CAPG: variants seen among roughly 807,000 people sequenced by gnomAD.
CAPG encodes the protein capping actin protein, gelsolin like, also known as macrophage-capping protein.
Under a neutral mutation model 44.6 loss-of-function variants are expected in CAPG, and 32 were observed. The observed-to-expected ratio is 0.72, with a 90% CI of 0.54 to 0.96. CAPG has a LOEUF of 0.96. CAPG is among the 50% of genes least tolerant of loss of function. The pLI, the probability that CAPG is intolerant of heterozygous loss-of-function variation, is 0.00. For missense variants in CAPG, 412 were observed against 438.3 expected (o/e 0.94, Z 0.54); for synonymous variants, 175 against 179.6 (o/e 0.97, Z 0.20).
intron 1 of CAPG, chr2:85,408,915 T>C (rs1353434168): frequency 2.0e-5 from 3 of 152,216 alleles, no homozygotes; most frequent in African/African-American, 2.4e-5. Context: ...CATACACGCA[T>C]AGTGCAGAAA....
Position 85,395,484 on chromosome 2 carries a change from G to A in CAPG, c.981+54C>T. On this transcript the variant is annotated intron_variant, in intron 9 of 9. Transcript: ENST00000263867. The surrounding 1 kb of genome is among the most constrained non-coding windows in gnomAD (Gnocchi z 4.3). The stretch of plus-strand genomic sequence containing the variant: ...CCTTCCTGGCCAATTTGAGGGGTCA[G>A]GGGCCACAGGAAGAGCCCTAGGAAG... The A allele has an allele frequency of 6.8e-7, 1 of 1,471,340 alleles. No homozygotes were observed. Among genetic ancestry groups the A allele is most frequent in the Non-Finnish European group, 9.4e-7 (1 of 1,059,182 alleles). 91.1% of individuals were successfully genotyped at this position (1,471,340 alleles called of 1,614,324 possible).
upstream of CAPG, among the ~76,000 whole-genome samples, chr2:85,419,464 T>A (rs1687667369): frequency 1.3e-5 from 2 of 152,188 alleles, no homozygotes; most frequent in Non-Finnish European, 2.9e-5. Context: ...TAGGATGAGC[T>A]GTGCTGAGGC....
chr2:85,394,998 GC>G, intron 9 of CAPG, 40 bp from the exon 10 acceptor site: 1 of 1,416,222 alleles, frequency 7.1e-7, no homozygotes, highest in Non-Finnish European at 1.0e-6. Flanking sequence ...TCACAAAGTT[GC>G]CACCTCTGCC....
chr2:85,393,097 G>A (rs940113036), downstream of CAPG, among the ~76,000 whole-genome samples: 50 of 151,480 alleles, frequency 3.3e-4, no homozygotes, highest in South Asian at 8.4e-4. Context: ...GTGCAGTGGC[G>A]CGATCTCGGC....
downstream of CAPG, among the ~76,000 whole-genome samples, chr2:85,393,976 A>C (rs1438367986): frequency 6.6e-6 from 1 of 152,248 alleles, no homozygotes; most frequent in Non-Finnish European, 1.5e-5. Context: ...GAAGCCACAT[A>C]GTCCAGAGGA....
downstream of CAPG, among the ~76,000 whole-genome samples, chr2:85,393,988 C>T (rs1459552942): frequency 6.6e-6 from 1 of 152,194 alleles, no homozygotes; most frequent in Non-Finnish European, 1.5e-5. Context: ...TCCAGAGGAC[C>T]TGGGGGTGAG....
intron 1 of CAPG, among the ~76,000 whole-genome samples, chr2:85,405,238 A>G (rs1316198362): frequency 6.6e-6 from 1 of 152,146 alleles, no homozygotes; most frequent in African/African-American, 2.4e-5. Context: ...AAAAGATATT[A>G]TCTTTTTAAA....
upstream of CAPG, among the ~76,000 whole-genome samples, chr2:85,414,567 CTGCAGGCA>C (rs1687508734): frequency 6.6e-6 from 1 of 151,264 alleles, no homozygotes; most frequent in African/African-American, 2.4e-5. Flanking sequence ...GTAGCTGGGA[CTGCAGGCA>C]TATGCCACCA....
At chr2:85,408,338 T>TCACACACACACACACACACACA (rs71390065) in intron 1 of CAPG, among the ~76,000 whole-genome samples, 18 of 129,568 alleles carry the variant, frequency 1.4e-4, no homozygotes, top group Middle Eastern at 3.8e-3. Context: ...GAAGAATCTG[T>TCACACACACACACACACACACA]CACACACACA....
At chr2:85,397,694 T>C (rs1055910996) in intron 8 of CAPG, among the ~76,000 whole-genome samples, 4 of 131,196 alleles carry the variant, frequency 3.0e-5, no homozygotes, top group African/African-American at 1.1e-4. Flanking sequence ...CAGAGCAAGA[T>C]TCCTTCTCAA....
At chr2:85,399,379 C>G in intron 5 of CAPG, 94 bp from the exon 6 acceptor site, 6 of 1,353,090 alleles carry the variant, frequency 4.4e-6, no homozygotes, top group Non-Finnish European at 6.1e-6. Flanking sequence ...TCTCTCCTCT[C>G]TGAACTGTCC....
chr2:85,413,091 C>T (rs1687465870), upstream of CAPG: 2 of 152,226 alleles, frequency 1.3e-5, no homozygotes, highest in Non-Finnish European at 2.9e-5. Flanking sequence ...TATTTCCATC[C>T]CCAGCCCCAG....
At chr2:85,392,085 G>T (rs1344987242), downstream of CAPG, among the ~76,000 whole-genome samples, 1 of 152,190 alleles carries the variant, frequency 6.6e-6, no homozygotes, top group East Asian at 1.9e-4. Flanking sequence ...CAGCACTGTT[G>T]GTTCCTTCCC....
intron 1 of CAPG, among the ~76,000 whole-genome samples, chr2:85,415,953 G>A (rs1296847153): frequency 6.6e-6 from 1 of 152,140 alleles, no homozygotes; most frequent in Admixed American, 6.6e-5. Context: ...CTGAGCTCAA[G>A]TGATCCTCCT....
chr2:85,396,869 T>A (rs1236602861), intron 8 of CAPG, among the ~76,000 whole-genome samples: 2 of 152,180 alleles, frequency 1.3e-5, no homozygotes, highest in African/African-American at 4.8e-5. Flanking sequence ...ACCCACCTAC[T>A]TGTCTGCCTT....
chr2:85,409,069 G>A (rs13010234), intron 1 of CAPG, among the ~76,000 whole-genome samples: 13,578 of 152,154 alleles, frequency 0.089, 696 homozygotes, highest in Middle Eastern at 0.2. Context: ...TTATGGACCC[G>A]CCTACCTCCA....
chr2:85,399,535 G>A (rs1167743284), intron 5 of CAPG, among the ~76,000 whole-genome samples: 1 of 152,168 alleles, frequency 6.6e-6, no homozygotes, highest in Non-Finnish European at 1.5e-5. Flanking sequence ...CTGTCATCCA[G>A]GCTGGAGTGC....
Position 85,399,226 on chromosome 2 carries a change from G to C in CAPG, c.576C>G (p.Asp192Glu). The change falls in exon 6 of 10, where the codon GAC becomes GAG. Residue 192 changes from aspartate (D) to glutamate (E), a missense_variant. By Grantham distance (45) the Asp-to-Glu change is conservative. Transcript: ENST00000263867. ...CACTGTCCCGGATGGCCAGGGCCAG[G>C]TCCCTCGCCTTGTTGCGTTCCAGGA... ...SNILERNKAR[D>E]LALAIRDSER... 1 of 1,614,252 alleles carries C rather than the reference G, an allele frequency of 6.2e-7. No individual in the cohort carries two copies. Among genetic ancestry groups the C allele is most frequent in the Non-Finnish European group, 8.5e-7 (1 of 1,180,036 alleles).
At chr2:85,415,715 C>T (rs1474672244) in intron 1 of CAPG, among the ~76,000 whole-genome samples, 1 of 152,212 alleles carries the variant, frequency 6.6e-6, no homozygotes, top group African/African-American at 2.4e-5. Context: ...TCTAATACTG[C>T]CCAGATTCTG....
Sources: gnomAD v4.1 joint callset for allele counts (sites outside exome capture counted in the v4.1 genomes callset) on GRCh38, gnomAD v4.1.1 for gene constraint, Gnocchi (gnomAD v3.1) non-coding constraint, MANE v1.5 for transcripts, NCBI Gene and HGNC (gene_info 2026-07-23, HGNC 2026-07-21) for gene names.